Variants in WDR45B observed in about 807,000 individuals in gnomAD.
WDR45B encodes WD repeat domain 45B, also known as WD repeat domain phosphoinositide-interacting protein 3.
A neutral mutation model predicts 44.6 loss-of-function variants in WDR45B; 20 were observed. That is an observed-to-expected ratio of 0.45 (90% CI 0.32 to 0.65). The LOEUF is 0.65. Ranked by LOEUF, WDR45B falls within the 30% of genes least tolerant of loss-of-function variation. The pLI is 0.05. For synonymous variants in WDR45B, 169 were observed against 164.9 expected (o/e 1.02, Z -0.19); for missense variants, 323 against 430.2 (o/e 0.75, Z 2.20).
At chr17:82,643,777 G>A (rs2045944898) in intron 2 of WDR45B, among the ~76,000 whole-genome samples, 172 bp downstream of exon 2, 1 of 152,126 alleles carries the variant, frequency 6.6e-6, no homozygotes, top group South Asian at 2.1e-4. Context: ...CTCAGCACCT[G>A]TAGAAGCTCA....
At chr17:82,618,691 G>T (rs762928177) in intron 7 of WDR45B, among the ~76,000 whole-genome samples, 35 of 152,084 alleles carry the variant, frequency 2.3e-4, no homozygotes, top group African/African-American at 8.4e-4. Flanking sequence ...CTGTGATAGC[G>T]TCACTGCACT....
At chr17:82,620,288 G>A in intron 6 of WDR45B, among the ~76,000 whole-genome samples, 1 of 152,134 alleles carries the variant, frequency 6.6e-6, no homozygotes, top group East Asian at 1.9e-4. Flanking sequence ...ACAAACATTA[G>A]CCAGGCATGG....
intron 8 of WDR45B, among the ~76,000 whole-genome samples, 180 bp from the exon 9 acceptor site, chr17:82,616,825 T>A (rs1032335886): frequency 6.1e-5 from 9 of 146,850 alleles, no homozygotes; most frequent in South Asian, 4.2e-4. Flanking sequence ...AAAAAAAAAA[T>A]TTTTTTTTTT....
At chr17:82,617,213 G>C (rs933773056) in intron 8 of WDR45B, 83 bp downstream of exon 8, 4 of 1,257,066 alleles carry the variant, frequency 3.2e-6, no homozygotes, top group African/African-American at 3.0e-5. Flanking sequence ...CTGCTGGGGT[G>C]GGGGGCCTGT....
intron 2 of WDR45B, among the ~76,000 whole-genome samples, chr17:82,635,036 G>A (rs2045815491): frequency 6.6e-6 from 1 of 152,030 alleles, no homozygotes; most frequent in Non-Finnish European, 1.5e-5. Flanking sequence ...CAGAATTGAT[G>A]GATGTAGACT....
rs143371821 is a variant in WDR45B at position 82,622,689 on chromosome 17, C to A, written c.428-890G>T. Among the ~76,000 whole-genome samples, 707 of 152,186 alleles carry A rather than the reference C, an allele frequency of 4.6e-3. 5 individuals carry two copies. The highest frequency in any genetic ancestry group is 6.8e-3 in the Non-Finnish European group (465 of 68,014). ...CCTTGTGATCCACCTGCCTTGGCCTCCCACAGTGCTGCGATTACAGGCATG... is the reference window on the plus strand; with the variant it reads ...CCTTGTGATCCACCTGCCTTGGCCTACCACAGTGCTGCGATTACAGGCATG... On this transcript the variant is annotated intron_variant, in intron 5 of 9. Coordinates refer to ENST00000392325, the MANE Select transcript of WDR45B (RefSeq NM_019613.4).
At position 82,638,380 on chromosome 17, in the gene WDR45B, C is replaced by T. The variant is rs2045868099; in HGVS notation, c.142+5569G>A. 3.3e-5 allele frequency among the ~76,000 whole-genome samples: 5 copies of T among 151,310 alleles called. No individual in the cohort carries two copies. In the South Asian group the frequency reaches 1.0e-3, roughly 32 times the overall value. On this transcript the variant is annotated intron_variant, in intron 2 of 9. Coordinates refer to ENST00000392325, the MANE Select transcript of WDR45B (RefSeq NM_019613.4). Reference sequence around the variant, plus strand: ...AAGGGGGGTAGGAGAAGGTCAGAGGCCTCCCCTGAGGGCCAATATTGTAAC... The same window carrying T: ...AAGGGGGGTAGGAGAAGGTCAGAGGTCTCCCCTGAGGGCCAATATTGTAAC...
chr17:82,630,783 C>T (rs2045757026), intron 3 of WDR45B, 138 bp downstream of exon 3: 1 of 881,290 alleles, frequency 1.1e-6, no homozygotes, highest in Non-Finnish European at 1.9e-6. Context: ...TCTTCGCCTG[C>T]TTCCTCCCCA....
intron 2 of WDR45B, among the ~76,000 whole-genome samples, chr17:82,631,581 G>A (rs953225307): frequency 5.6e-5 from 5 of 89,502 alleles, no homozygotes; most frequent in African/African-American, 2.0e-4. Flanking sequence ...CACTGTGCCC[G>A]GCCTACAGGA....
rs568364900 is a variant in WDR45B, at chr17:82,617,428, T to C, written c.705-31A>G. On this transcript the variant is annotated intron_variant, in intron 7 of 9. Coordinates refer to ENST00000392325, the MANE Select transcript of WDR45B (RefSeq NM_019613.4). Reference sequence around the variant, plus strand: ...GAGAAAACCAGCACAGCTCAGGCCTTGTGTGGATGTGGAGGAGTCCAGAGA... The same window carrying C: ...GAGAAAACCAGCACAGCTCAGGCCTCGTGTGGATGTGGAGGAGTCCAGAGA... The C allele has an allele frequency of 2.4e-5, 39 of 1,607,538 alleles. No homozygotes were observed. The South Asian group carries it at 4.0e-4, about 16-fold the overall frequency.
intron 2 of WDR45B, chr17:82,636,466 T>C (rs1364980652): frequency 2.0e-5 from 3 of 151,832 alleles, no homozygotes; most frequent in Admixed American, 1.3e-4. Flanking sequence ...TAGAGAGGAC[T>C]TCTAAACCCC....
chr17:82,615,855 C>G lies in WDR45B; in HGVS notation c.*64G>C, dbSNP rs375733922. The G allele has an allele frequency of 2.0e-6, 3 of 1,522,576 alleles. No individual in the cohort carries two copies. Among genetic ancestry groups the G allele is most frequent in the South Asian group, 2.2e-5 (2 of 89,290 alleles). 94.3% of individuals were successfully genotyped at this position (1,522,576 alleles called of 1,614,324 possible). On this transcript the variant is annotated 3_prime_UTR_variant, in exon 10 of 10. Coordinates refer to ENST00000392325, the MANE Select transcript of WDR45B (RefSeq NM_019613.4). Reference sequence around the variant, plus strand: ...CGTGGCCCAGGAGGCCCCTGGGGCACTGGCACCAGCCCCGAGAGTCTGAAG... The same window carrying G: ...CGTGGCCCAGGAGGCCCCTGGGGCAGTGGCACCAGCCCCGAGAGTCTGAAG...
At chr17:82,631,939 C>T (rs185728506) in intron 2 of WDR45B, among the ~76,000 whole-genome samples, 14 of 151,772 alleles carry the variant, frequency 9.2e-5, no homozygotes, top group East Asian at 5.9e-4. Context: ...AAAAATTAGC[C>T]GGCGTGGTGG....
chr17:82,630,575 T>C (rs1172698107), intron 3 of WDR45B, among the ~76,000 whole-genome samples: 1 of 152,184 alleles, frequency 6.6e-6, no homozygotes, highest in African/African-American at 2.4e-5. Context: ...GAAACTAATG[T>C]TCCTTTAAGT....
chr17:82,632,285 C>T (rs771846138), intron 2 of WDR45B, among the ~76,000 whole-genome samples: 1 of 151,922 alleles, frequency 6.6e-6, no homozygotes, highest in Non-Finnish European at 1.5e-5. Flanking sequence ...CTTCAGCCTC[C>T]CGAGTAGCTG....
chr17:82,634,066 G>T (rs1324071991), intron 2 of WDR45B, among the ~76,000 whole-genome samples: 1 of 140,520 alleles, frequency 7.1e-6, no homozygotes, highest in African/African-American at 2.7e-5. Context: ...CAGGAGAATC[G>T]CTTGAACCCG....
chr17:82,627,656 C>T (rs906189041), intron 3 of WDR45B, among the ~76,000 whole-genome samples: 1 of 152,192 alleles, frequency 6.6e-6, no homozygotes, highest in African/African-American at 2.4e-5. Flanking sequence ...TCTCTCTCTG[C>T]CAACCATTGC....
At chr17:82,618,210 G>A (rs1220003326) in intron 7 of WDR45B, among the ~76,000 whole-genome samples, 4 of 152,330 alleles carry the variant, frequency 2.6e-5, no homozygotes, top group South Asian at 2.1e-4. Flanking sequence ...GATTACAGGC[G>A]GGAGCCACTG....
intron 5 of WDR45B, 101 bp downstream of exon 5, chr17:82,625,288 A>G: frequency 8.4e-7 from 1 of 1,191,698 alleles, no homozygotes; most frequent in Non-Finnish European, 1.2e-6. Flanking sequence ...TGCTCTCGCC[A>G]AGCACTTTGC....
Sources: allele counts gnomAD v4.1 joint callset (sites outside exome capture counted in the v4.1 genomes callset), GRCh38; gene constraint gnomAD v4.1.1; transcripts MANE v1.5; gene names NCBI Gene and HGNC (gene_info 2026-07-23, HGNC 2026-07-21).